Variants in OCA2 observed in about 807,000 individuals in gnomAD.
OCA2 encodes the protein OCA2 melanosomal transmembrane protein.
In OCA2, 77 loss-of-function variants were observed where a neutral mutation model predicts 100.2. The observed-to-expected ratio is 0.77, with a 90% CI of 0.64 to 0.93. The LOEUF (loss-of-function observed/expected upper bound fraction) is 0.93, where lower values mean the gene tolerates loss of function less well. Among genes scored for constraint, OCA2 ranks in the 40% least tolerant of loss-of-function variants. The pLI is 0.00. For synonymous variants in OCA2, 432 were observed against 439.2 expected, an observed-to-expected ratio of 0.98 and a Z score of 0.21; for missense variants, 1,062 against 1,089.1, an observed-to-expected ratio of 0.98 and a Z score of 0.35.
Position 27,969,557 on chromosome 15 carries a change from G to C in OCA2, c.1504-2735C>G, listed in dbSNP as rs369442193. ...TCACATCAATTCAGCGCCTAAATGC[G>C]CTCTTTCTGCTTCAAGGTGCCACTT... On this transcript the variant is annotated intron_variant, in intron 14 of 23. Transcript: ENST00000354638. Among the ~76,000 whole-genome samples the C allele has an allele frequency of 3.9e-5, 6 of 152,312 alleles. No individual in the cohort carries two copies. In the South Asian group the frequency reaches 1.2e-3, roughly 32 times the overall value.
chr15:27,985,080 T>A lies in OCA2; in HGVS notation c.1348A>T (p.Thr450Ser). 1 of 1,613,668 alleles carries A rather than the reference T, an allele frequency of 6.2e-7. No homozygotes were observed. Among genetic ancestry groups the A allele is most frequent in the East Asian group, 2.2e-5 (1 of 44,860 alleles). ...LDNVTTMLLF[T>S]PVTIRLCEVL... The stretch of plus-strand genomic sequence containing the variant: ...TTTGCGTACCTTATGGTCACAGGCG[T>A]GAAGAGGAGCATGGTGGTGACGTTG... Residue 450 changes from threonine (T) to serine (S), a missense_variant, in exon 13 of 24, where the codon ACG (threonine) becomes TCG (serine). Physicochemically the swap from Thr to Ser is moderately conservative, Grantham distance 58 (BLOSUM62 1). Coordinates refer to ENST00000354638, the MANE Select transcript of OCA2 (RefSeq NM_000275.3).
At chr15:28,036,306 C>T (rs993970057) in intron 2 of OCA2, among the ~76,000 whole-genome samples, 5 of 152,244 alleles carry the variant, frequency 3.3e-5, no homozygotes, top group East Asian at 1.9e-4. Flanking sequence ...GATTCCTAGA[C>T]GTGAGGTCAC....
chr15:28,081,971 A>G (rs1179396228), intron 1 of OCA2, 76 bp from the exon 2 acceptor site: 19 of 1,216,582 alleles, frequency 1.6e-5, no homozygotes, highest in Non-Finnish European at 2.1e-5. Flanking sequence ...GAGTCCGTAC[A>G]ATAGGAAGGT....
At chr15:27,814,343 T>C (rs1476963530) in intron 23 of OCA2, among the ~76,000 whole-genome samples, 1 of 152,172 alleles carries the variant, frequency 6.6e-6, no homozygotes, top group African/African-American at 2.4e-5. Flanking sequence ...AAACGAAAGA[T>C]AATGGAGATA....
intron 19 of OCA2, among the ~76,000 whole-genome samples, chr15:27,893,602 G>A (rs1397780309): frequency 1.3e-5 from 2 of 151,964 alleles, no homozygotes; most frequent in African/African-American, 2.4e-5. Flanking sequence ...GTCTATAAAC[G>A]GCCACTCTGG....
At chr15:27,744,985 G>A in the OCA2 span, among the ~76,000 whole-genome samples, 7 of 152,082 alleles carry the variant, frequency 4.6e-5, no homozygotes, top group Non-Finnish European at 7.3e-5. Context: ...GTGCAGCATC[G>A]CATGACAGAT....
intron 23 of OCA2, among the ~76,000 whole-genome samples, chr15:27,808,472 G>A (rs571385594): frequency 6.6e-6 from 1 of 152,338 alleles, no homozygotes; most frequent in Admixed American, 6.5e-5. Context: ...CCGTACAACT[G>A]TCTCAAGATG....
intron 23 of OCA2, among the ~76,000 whole-genome samples, chr15:27,783,102 A>G (rs750358): frequency 0.14 from 21,461 of 152,196 alleles, 2,492 homozygotes; most frequent in East Asian, 0.59. Context: ...CATTGTGATA[A>G]TCTATGACTA....
chr15:27,974,700 G>A (rs1032902227), intron 14 of OCA2, among the ~76,000 whole-genome samples: 2 of 152,132 alleles, frequency 1.3e-5, no homozygotes, highest in African/African-American at 2.4e-5. Flanking sequence ...CCCAGGAGGC[G>A]GAGGTTGCAG....
intron 23 of OCA2, among the ~76,000 whole-genome samples, chr15:27,798,314 T>G (rs1349652605): frequency 1.3e-5 from 2 of 152,080 alleles, no homozygotes; most frequent in Non-Finnish European, 2.9e-5. Context: ...ATAACAAACA[T>G]CCAATTTTTT....
chr15:27,933,198 A>T (rs1431475066), intron 18 of OCA2, among the ~76,000 whole-genome samples: 1 of 152,244 alleles, frequency 6.6e-6, no homozygotes, highest in Non-Finnish European at 1.5e-5. Flanking sequence ...AGACCTAAAC[A>T]TAAAGTCTAA....
At chr15:28,061,639 G>A (rs2043876644) in intron 2 of OCA2, among the ~76,000 whole-genome samples, 3 of 152,136 alleles carry the variant, frequency 2.0e-5, no homozygotes, top group African/African-American at 7.2e-5. Flanking sequence ...AGTACACAGA[G>A]AGAAGGCACC....
chr15:27,893,486 G>C (rs998874643), intron 19 of OCA2, among the ~76,000 whole-genome samples: 2 of 152,176 alleles, frequency 1.3e-5, no homozygotes, highest in Non-Finnish European at 2.9e-5. Flanking sequence ...TTCTTGCAGA[G>C]AGCCAATAAA....
intron 19 of OCA2, among the ~76,000 whole-genome samples, chr15:27,899,547 C>T (rs1161054462): frequency 2.0e-5 from 3 of 152,218 alleles, no homozygotes; most frequent in Non-Finnish European, 2.9e-5. Flanking sequence ...CTTCAACCAG[C>T]CCCATCATTC....
chr15:28,001,767 C>T (rs971588995), intron 9 of OCA2, among the ~76,000 whole-genome samples: 3 of 152,178 alleles, frequency 2.0e-5, no homozygotes, highest in Non-Finnish European at 2.9e-5. Flanking sequence ...GCTGCAGCCC[C>T]AGAATGTGGT....
chr15:27,746,034 A>T, the OCA2 span, among the ~76,000 whole-genome samples: 3 of 152,212 alleles, frequency 2.0e-5, no homozygotes, highest in Non-Finnish European at 2.9e-5. Context: ...CCAAGCTCTA[A>T]CCCAACCACC....
chr15:27,999,585 T>C (rs1042372932), intron 9 of OCA2, among the ~76,000 whole-genome samples: 3 of 152,224 alleles, frequency 2.0e-5, no homozygotes, highest in African/African-American at 4.8e-5. Context: ...TCACCACTTC[T>C]ATTCAACATA....
intron 23 of OCA2, among the ~76,000 whole-genome samples, chr15:27,799,743 TAAAA>T (rs35856122): frequency 7.1e-5 from 6 of 84,676 alleles, no homozygotes; most frequent in Non-Finnish European, 1.5e-4. Flanking sequence ...AGACTCCGTC[TAAAA>T]AAAAAAAAAA....
rs1019462751 is a variant in OCA2 at position 27,870,774 on chromosome 15, GAAAGAAAGAAAGAA to G, written c.2244+366_2244+379del. Reference sequence around the variant, plus strand: ...GAGGGAAGGAAAGACAGAAAGGAAAGAAAGAAAGAAAGAAAAAGAAAGAAAGAAAGAAAGAAAGA... The same window carrying G: ...GAGGGAAGGAAAGACAGAAAGGAAAGAAAGAAAGAAAGAAAGAAAGAAAGA... On this transcript the variant is annotated intron_variant, in intron 21 of 23. Transcript: ENST00000354638. 3.2e-5 allele frequency among the ~76,000 whole-genome samples: 4 copies of G among 126,498 alleles called. 1 individual carries two copies. Among genetic ancestry groups the G allele is most frequent in the South Asian group, 5.3e-4 (2 of 3,788 alleles). The allele number at this position is 126,498 out of a possible 152,430, so 83.0% of individuals were successfully genotyped here.
Sources: allele counts gnomAD v4.1 joint callset (sites outside exome capture counted in the v4.1 genomes callset), GRCh38; gene constraint gnomAD v4.1.1; transcripts MANE v1.5; gene names NCBI Gene and HGNC (gene_info 2026-07-23, HGNC 2026-07-21).